The following ATRN variants were observed in gnomAD, a reference collection of about 807,000 sequenced individuals.
ATRN encodes the protein attractin.
In ATRN, 54 loss-of-function variants were observed where a neutral mutation model predicts 178.7. The ratio of observed to expected loss-of-function variants is 0.30; its 90% CI spans 0.24 to 0.38. The LOEUF (loss-of-function observed/expected upper bound fraction) is 0.38, where lower values mean the gene tolerates loss of function less well. Among genes scored for constraint, ATRN ranks in the 10% least tolerant of loss-of-function variants. The pLI is 1.00. For missense variants in ATRN, 1,443 were observed against 1,815.1 expected, an observed-to-expected ratio of 0.79 and a Z score of 3.73; for synonymous variants, 636 against 663.0, an observed-to-expected ratio of 0.96 and a Z score of 0.63.
intron 1 of ATRN, among the ~76,000 whole-genome samples, chr20:3,485,032 A>G (rs1461008867): frequency 6.6e-6 from 1 of 151,546 alleles, no homozygotes; most frequent in African/African-American, 2.4e-5. Flanking sequence ...ACCTGTCTGG[A>G]TCTAGGCAGG....
chr20:3,611,208 G>A (rs2086759649), intron 24 of ATRN, among the ~76,000 whole-genome samples: 1 of 152,130 alleles, frequency 6.6e-6, no homozygotes, highest in Non-Finnish European at 1.5e-5. Flanking sequence ...AAAACCAAAA[G>A]TTTTTGCTCT....
In ATRN at chr20:3,646,848, T is replaced by G; in HGVS notation, c.*1T>G. The G allele has an allele frequency of 6.2e-7, 1 of 1,613,298 alleles. No homozygotes were observed. Among genetic ancestry groups the G allele is most frequent in the Non-Finnish European group, 8.5e-7 (1 of 1,179,764 alleles). ...TGCACAGCCTGGGACCTGCATCTGA[T>G]GCTGGGGCCAGGGACTCTCCCACGC... On this transcript the variant is annotated 3_prime_UTR_variant, in exon 29 of 29. Transcript: ENST00000262919.
chr20:3,550,294 C>G (rs1000111244), intron 6 of ATRN, among the ~76,000 whole-genome samples: 2 of 152,172 alleles, frequency 1.3e-5, no homozygotes, highest in Non-Finnish European at 2.9e-5. Context: ...AGGTGTGAAG[C>G]CTTATTTCTG....
chr20:3,637,396 C>T (rs762968794), intron 26 of ATRN, among the ~76,000 whole-genome samples: 1 of 152,164 alleles, frequency 6.6e-6, no homozygotes, highest in Non-Finnish European at 1.5e-5. Context: ...CACTTAAGCA[C>T]AGACCCCAAG....
rs148293138 is a variant in ATRN, at chr20:3,493,397, C to T, written c.410+21880C>T. On this transcript the variant is annotated intron_variant, in intron 1 of 28. Coordinates refer to ENST00000262919, the MANE Select transcript of ATRN (RefSeq NM_139321.3). Reference sequence around the variant, plus strand: ...CTAGTTTTGAACTACTAGCCTCAAGCGATCCATCTGCATCGGCCTCCCATA... The same window carrying T: ...CTAGTTTTGAACTACTAGCCTCAAGTGATCCATCTGCATCGGCCTCCCATA... Among the ~76,000 whole-genome samples the T allele has an allele frequency of 3.0e-3, 451 of 151,382 alleles. 4 individuals carry two copies. Among genetic ancestry groups the T allele is most frequent in the African/African-American group, 9.0e-3 (372 of 41,224 alleles).
intron 1 of ATRN, among the ~76,000 whole-genome samples, chr20:3,522,619 A>G (rs780039031): frequency 1.8e-4 from 27 of 152,194 alleles, no homozygotes; most frequent in Non-Finnish European, 3.5e-4. Flanking sequence ...CCTCCTGACT[A>G]GGAGACACCT....
chr20:3,484,874 A>G (rs2084669085), intron 1 of ATRN, among the ~76,000 whole-genome samples: 1 of 151,090 alleles, frequency 6.6e-6, no homozygotes, highest in Non-Finnish European at 1.5e-5. Flanking sequence ...ACTAGAAACT[A>G]ATTGATTACT....
Position 3,646,794 on chromosome 20 carries a change from G to C in ATRN, c.4237G>C (p.Ala1413Pro). ...GATAGTGTACAAGGAGAAGTCAGGA[G>C]CCGTGAGAAACCGGAAGCAGCAGCC... ...MPIVYKEKSG[A>P]VRNRKQQPPA... The change falls in exon 29 of 29, where the codon GCC (alanine) becomes CCC (proline). Residue 1413 changes from alanine (A) to proline (P), a missense_variant. Coordinates refer to ENST00000262919, the MANE Select transcript of ATRN (RefSeq NM_139321.3). The C allele has an allele frequency of 6.2e-7, 1 of 1,611,720 alleles. No homozygotes were observed. The highest frequency in any genetic ancestry group is 8.5e-7 in the Non-Finnish European group (1 of 1,179,030).
intron 8 of ATRN, among the ~76,000 whole-genome samples, chr20:3,561,436 G>T (rs1375658325): frequency 6.6e-6 from 1 of 152,056 alleles, no homozygotes; most frequent in Non-Finnish European, 1.5e-5. Flanking sequence ...CTGTCAATTT[G>T]GTAAGGAGCC....
chr20:3,550,404 C>T (rs955699776), intron 6 of ATRN, among the ~76,000 whole-genome samples: 3 of 152,150 alleles, frequency 2.0e-5, no homozygotes, highest in Non-Finnish European at 4.4e-5. Context: ...AGTTTGAAGT[C>T]GGGTAACCTG....
intron 23 of ATRN, among the ~76,000 whole-genome samples, chr20:3,603,302 G>A (rs775399165): frequency 5.3e-5 from 8 of 152,130 alleles, no homozygotes; most frequent in Non-Finnish European, 7.3e-5. Flanking sequence ...GGAGTCTGGC[G>A]CATTGCCAAG....
chr20:3,510,426 T>C (rs1378962831), intron 1 of ATRN, among the ~76,000 whole-genome samples: 4 of 152,230 alleles, frequency 2.6e-5, no homozygotes, highest in Non-Finnish European at 4.4e-5. Flanking sequence ...AGGAAAACTT[T>C]ATCTGTATAA....
intron 22 of ATRN, among the ~76,000 whole-genome samples, chr20:3,599,708 T>G (rs575497933): frequency 6.6e-6 from 1 of 152,274 alleles, no homozygotes; most frequent in East Asian, 1.9e-4. Flanking sequence ...CTGGAGTATG[T>G]GTGGATTTGG....
At chr20:3,526,728 A>C (rs1310699458) in intron 1 of ATRN, among the ~76,000 whole-genome samples, 2 of 152,110 alleles carry the variant, frequency 1.3e-5, no homozygotes, top group Non-Finnish European at 2.9e-5. Context: ...ATACCAAAAC[A>C]GATATATAGA....
chr20:3,539,134 G>A (rs569946589), intron 2 of ATRN, among the ~76,000 whole-genome samples: 1 of 152,314 alleles, frequency 6.6e-6, no homozygotes, highest in Non-Finnish European at 1.5e-5. Context: ...TGTTAGAAAA[G>A]TGTGGGGTAT....
intron 6 of ATRN, among the ~76,000 whole-genome samples, chr20:3,552,872 A>G (rs1234557423): frequency 6.6e-6 from 1 of 152,190 alleles, no homozygotes; most frequent in Non-Finnish European, 1.5e-5. Context: ...GAGCTTCACC[A>G]GTATAGCTGC....
chr20:3,593,875 G>A (rs188338341), intron 19 of ATRN, among the ~76,000 whole-genome samples: 164 of 152,328 alleles, frequency 1.1e-3, no homozygotes, highest in African/African-American at 3.8e-3. Flanking sequence ...AAGGAGAGAT[G>A]TTGAGTTGGC....
chr20:3,498,375 A>G (rs2084909984), intron 1 of ATRN, among the ~76,000 whole-genome samples: 1 of 152,170 alleles, frequency 6.6e-6, no homozygotes, highest in South Asian at 2.1e-4. Flanking sequence ...CAGAGACACA[A>G]CCAAAAAAGA....
chr20:3,535,155 A>G (rs573539201), intron 1 of ATRN, 98 bp from the exon 2 acceptor site: 38 of 424,974 alleles, frequency 8.9e-5, no homozygotes, highest in African/African-American at 8.1e-4. Context: ...TTATATTAAG[A>G]ATTAAGAAAT....
Sources: gnomAD v4.1 joint callset for allele counts (sites outside exome capture counted in the v4.1 genomes callset) on GRCh38, gnomAD v4.1.1 for gene constraint, MANE v1.5 for transcripts, NCBI Gene and HGNC (gene_info 2026-07-23, HGNC 2026-07-21) for gene names.